Variants in ZFYVE1 observed in about 807,000 individuals in gnomAD.
ZFYVE1 encodes zinc finger FYVE-type containing 1, also known as zinc finger FYVE domain-containing protein 1.
A neutral mutation model predicts 74.4 loss-of-function variants in ZFYVE1; 30 were observed. That is an observed-to-expected ratio of 0.40 (90% CI 0.30 to 0.55). ZFYVE1 has a LOEUF of 0.55. ZFYVE1 is among the 20% of genes least tolerant of loss of function. ZFYVE1 has a pLI of 0.42. For synonymous variants in ZFYVE1, 335 were observed against 385.1 expected, an observed-to-expected ratio of 0.87 and a Z score of 1.52; for missense variants, 703 against 1,011.6, an observed-to-expected ratio of 0.69 and a Z score of 4.14.
At chr14:73,010,570 A>C (rs971206011) in intron 2 of ZFYVE1, among the ~76,000 whole-genome samples, 1 of 151,894 alleles carries the variant, frequency 6.6e-6, no homozygotes, top group African/African-American at 2.4e-5. Context: ...ATTGCACTCC[A>C]GCCTGGGCAA....
At chr14:72,988,929 CTTTTTTT>C (rs34464072) in intron 4 of ZFYVE1, among the ~76,000 whole-genome samples, 2 of 118,138 alleles carry the variant, frequency 1.7e-5, no homozygotes, top group Non-Finnish European at 3.4e-5. Context: ...GCAATTTCTT[CTTTTTTT>C]TTTTTTTTTT....
In ZFYVE1 at chr14:73,024,509, A is replaced by G; in HGVS notation, c.-1T>C. 5.7e-6 allele frequency: 9 copies of G among 1,592,398 alleles called. No individual in the cohort carries two copies. The highest frequency in any genetic ancestry group is 7.7e-6 in the Non-Finnish European group (9 of 1,168,302). ...CTGCTGGGGAAGTCTGGGCACTCAT[A>G]CTCACGCTGGTAAGGAAACACACCC... On this transcript the variant is annotated 5_prime_UTR_variant, in exon 2 of 12. Coordinates refer to ENST00000556143, the MANE Select transcript of ZFYVE1 (RefSeq NM_021260.4).
chr14:72,982,906 C>T (rs556294611), intron 4 of ZFYVE1, among the ~76,000 whole-genome samples: 2 of 151,920 alleles, frequency 1.3e-5, no homozygotes, highest in African/African-American at 2.4e-5. Flanking sequence ...TGCACTGGCA[C>T]GATCTTGGCT....
intron 1 of ZFYVE1, among the ~76,000 whole-genome samples, chr14:73,026,038 A>G (rs7146246): frequency 0.24 from 36,328 of 151,814 alleles, 4,539 homozygotes; most frequent in South Asian, 0.3. Context: ...CTAGATGTAT[A>G]TTAAAGACTC....
chr14:72,994,399 G>A (rs187372563), intron 3 of ZFYVE1, among the ~76,000 whole-genome samples: 1 of 149,338 alleles, frequency 6.7e-6, no homozygotes, highest in East Asian at 2.0e-4. Context: ...AGGCAGAGCT[G>A]ATCTATGCTG....
At chr14:72,987,231 G>A (rs915044246) in intron 4 of ZFYVE1, among the ~76,000 whole-genome samples, 1 of 152,156 alleles carries the variant, frequency 6.6e-6, no homozygotes, top group Non-Finnish European at 1.5e-5. Context: ...GACAGAATTG[G>A]AACGTCAAGA....
At chr14:73,004,460 CTATATATATA>C (rs34805449) in intron 2 of ZFYVE1, among the ~76,000 whole-genome samples, 2 of 150,046 alleles carry the variant, frequency 1.3e-5, no homozygotes, top group Non-Finnish European at 3.0e-5. Flanking sequence ...AAATGATGTA[CTATATATATA>C]TATATAACTC....
At chr14:72,998,850 CAA>C (rs551199975) in intron 2 of ZFYVE1, among the ~76,000 whole-genome samples, 6 of 112,006 alleles carry the variant, frequency 5.4e-5, no homozygotes, top group Non-Finnish European at 7.4e-5. Context: ...GACCCTGCCT[CAA>C]AAAAAAAAAA....
chr14:72,972,966 AAGTGCTGGTATTAT>A (rs1259417675), intron 11 of ZFYVE1, among the ~76,000 whole-genome samples: 1 of 151,834 alleles, frequency 6.6e-6, no homozygotes, highest in East Asian at 2.0e-4. Context: ...TGGCCTCCCA[AAGTGCTGGTATTAT>A]AGGCGTGAGC....
intron 4 of ZFYVE1, among the ~76,000 whole-genome samples, chr14:72,983,392 C>G (rs968819858): frequency 4.8e-5 from 7 of 145,812 alleles, no homozygotes; most frequent in Middle Eastern, 3.2e-3. Context: ...TGTTCCCCCC[C>G]TTCCTGTGTC....
intron 4 of ZFYVE1, among the ~76,000 whole-genome samples, chr14:72,986,451 G>T (rs1173413464): frequency 6.9e-6 from 1 of 144,974 alleles, no homozygotes; most frequent in Non-Finnish European, 1.5e-5. Context: ...AGAATCAAGA[G>T]TGTGGGAAAA....
At chr14:73,007,374 C>T (rs1350886789) in intron 2 of ZFYVE1, among the ~76,000 whole-genome samples, 1 of 152,118 alleles carries the variant, frequency 6.6e-6, no homozygotes, top group Non-Finnish European at 1.5e-5. Flanking sequence ...GTACCAACTA[C>T]AATCATACAT....
chr14:72,978,810 G>T, intron 6 of ZFYVE1, 51 bp downstream of exon 6: 1 of 1,483,550 alleles, frequency 6.7e-7, no homozygotes, highest in Non-Finnish European at 9.4e-7. Context: ...GCCAAAGAGA[G>T]AGTGGTCAGC....
In ZFYVE1 at chr14:72,975,728, T is replaced by A. The variant is rs900092433; in HGVS notation, c.1636-7A>T. 3.7e-6 allele frequency: 6 copies of A among 1,613,070 alleles called. No individual in the cohort carries two copies. The highest frequency in any genetic ancestry group is 2.7e-5 in the African/African-American group (2 of 74,856). ...CCTTCAGAAACCCATCAGTCTGAAA[T>A]GAAAACGCAGGCTTCCATCATGCTC... On this transcript the variant is annotated splice_polypyrimidine_tract_variant and splice_region_variant and intron_variant, in intron 8 of 11. Coordinates refer to ENST00000556143, the MANE Select transcript of ZFYVE1 (RefSeq NM_021260.4). This position sits in a 1 kb window ranked among gnomAD's most constrained non-coding sequence, Gnocchi z 4.1.
intron 2 of ZFYVE1, among the ~76,000 whole-genome samples, chr14:73,015,373 G>A (rs190012463): frequency 4.0e-4 from 13 of 32,910 alleles, no homozygotes; most frequent in East Asian, 3.0e-3. Context: ...AGGAAGAGGG[G>A]AAGGAAGGGG....
At chr14:72,973,722 T>C (rs1174370081) in intron 11 of ZFYVE1, among the ~76,000 whole-genome samples, 1 of 152,106 alleles carries the variant, frequency 6.6e-6, no homozygotes, top group Non-Finnish European at 1.5e-5. Flanking sequence ...TTGAGACCAC[T>C]CCAGCTACCA....
chr14:73,004,265 C>G (rs1247344036), intron 2 of ZFYVE1, among the ~76,000 whole-genome samples: 2 of 152,090 alleles, frequency 1.3e-5, no homozygotes, highest in Non-Finnish European at 2.9e-5. Context: ...CCTGCTCCAC[C>G]AGGCCTGGTA....
At chr14:72,997,327 A>G (rs147925628) in intron 3 of ZFYVE1, among the ~76,000 whole-genome samples, 1 of 152,200 alleles carries the variant, frequency 6.6e-6, no homozygotes, top group East Asian at 1.9e-4. Context: ...GCTTTACAGA[A>G]CTCTGTCAAA....
chr14:73,000,045 C>T (rs372423160), intron 2 of ZFYVE1, among the ~76,000 whole-genome samples: 5 of 152,006 alleles, frequency 3.3e-5, no homozygotes, highest in Admixed American at 2.6e-4. Context: ...GGTGACAGAA[C>T]AAGAACCTGT....
Sources: allele counts gnomAD v4.1 joint callset (sites outside exome capture counted in the v4.1 genomes callset), GRCh38; gene constraint gnomAD v4.1.1; non-coding constraint Gnocchi (gnomAD v3.1); transcripts MANE v1.5; gene names NCBI Gene and HGNC (gene_info 2026-07-23, HGNC 2026-07-21).